Variants in CMAS observed in about 807,000 individuals in gnomAD.
The protein encoded by CMAS is cytidine monophosphate N-acetylneuraminic acid synthetase, also known as N-acylneuraminate cytidylyltransferase.
A neutral mutation model predicts 53.4 loss-of-function variants in CMAS; 21 were observed. The ratio of observed to expected loss-of-function variants is 0.39; its 90% CI spans 0.28 to 0.57. CMAS has a LOEUF of 0.57. Ranked by LOEUF, CMAS falls within the 20% of genes least tolerant of loss-of-function variation. The probability of loss-of-function intolerance (pLI) is 0.56; values close to 1 mark genes in which losing one functional copy is unlikely to be tolerated. For missense variants in CMAS, 384 were observed against 534.9 expected (o/e 0.72, Z 2.78); for synonymous variants, 189 against 195.2 (o/e 0.97, Z 0.27).
chr12:22,050,889 C>A (rs1169967138), intron 1 of CMAS, among the ~76,000 whole-genome samples: 1 of 151,922 alleles, frequency 6.6e-6, no homozygotes, highest in Non-Finnish European at 1.5e-5. Flanking sequence ...TATACTAGAT[C>A]ATTAAAATGT....
In CMAS at chr12:22,055,536, G is replaced by A. The variant is rs757760901; in HGVS notation, c.485G>A (p.Arg162Gln). 9 of 1,612,412 alleles carry A rather than the reference G, an allele frequency of 5.6e-6. No individual in the cohort carries two copies. The highest frequency in any genetic ancestry group is 1.3e-5 in the African/African-American group (1 of 74,966). The change falls in exon 3 of 8, where the codon CGA (arginine) becomes CAA (glutamine). Residue 162 changes from arginine (R) to glutamine (Q), a missense_variant. Physicochemically the swap from Arg to Gln is conservative, Grantham distance 43. This residue lies in a region of CMAS where 139 missense variants were observed against 248.0 expected (regional missense o/e 0.56). Transcript: ENST00000229329. The part of the protein sequence containing the change: ...TDLQKVAEMI[R>Q]EEGYDSVFSV... ...CTTCAAAAAGTTGCAGAAATGATTC[G>A]AGAAGAAGGATATGATTCTGTTTTC... is the stretch of plus-strand genomic sequence containing the variant.
intron 4 of CMAS, among the ~76,000 whole-genome samples, chr12:22,059,763 G>A (rs1950295906): frequency 6.6e-6 from 1 of 151,846 alleles, no homozygotes; most frequent in South Asian, 2.1e-4. Flanking sequence ...TTTTTCTAAG[G>A]AGGACCATGA....
chr12:22,062,724 G>A (rs7138799), intron 7 of CMAS, among the ~76,000 whole-genome samples: 22,333 of 152,126 alleles, frequency 0.15, 2,252 homozygotes, highest in East Asian at 0.48. Context: ...TCTGTAAACT[G>A]GAGATATCGA....
intron 3 of CMAS, among the ~76,000 whole-genome samples, chr12:22,056,577 C>G (rs1950269629): frequency 1.3e-5 from 2 of 152,188 alleles, no homozygotes; most frequent in African/African-American, 4.8e-5. Flanking sequence ...ATACCCTACT[C>G]TTGCTAACAA....
intron 1 of CMAS, among the ~76,000 whole-genome samples, chr12:22,054,802 G>A (rs1037835314): frequency 6.6e-5 from 10 of 151,942 alleles, no homozygotes; most frequent in Non-Finnish European, 1.0e-4. Flanking sequence ...GCAGGGGTTC[G>A]GTGTACAGAT....
chr12:22,046,344 A>C lies in CMAS; in HGVS notation c.41A>C (p.Asn14Thr). 1 of 1,514,014 alleles carries C rather than the reference A, an allele frequency of 6.6e-7. No individual in the cohort carries two copies. Among genetic ancestry groups the C allele is most frequent in the African/African-American group, 1.4e-5 (1 of 70,578 alleles). 93.8% of individuals were successfully genotyped at this position (1,514,014 alleles called of 1,614,324 possible). The change falls in exon 1 of 8, where the codon AAC becomes ACC. Residue 14 changes from asparagine to threonine, a missense_variant. By Grantham distance (65) the Asn-to-Thr change is moderately conservative. Transcript: ENST00000229329. ...VEKGAATSVS[N>T]PRGRPSRGRP... The stretch of plus-strand genomic sequence containing the variant: ...AAGGGGGCCGCCACCTCCGTCTCCA[A>C]CCCGCGGGGGCGACCGTCCCGGGGC...
intron 1 of CMAS, among the ~76,000 whole-genome samples, chr12:22,048,494 G>A (rs541810038): frequency 3.3e-5 from 5 of 152,210 alleles, no homozygotes; most frequent in East Asian, 3.9e-4. Flanking sequence ...ATGATCTCAG[G>A]TTCCCTTAAA....
chr12:22,055,032 C>T lies in CMAS; in HGVS notation c.261-117C>T, dbSNP rs73268262. The T allele has an allele frequency of 4.9e-3, 3,087 of 636,414 alleles. 74 individuals carry two copies. The African/African-American group carries it at 0.052, about 11-fold the overall frequency. 39.4% of individuals were successfully genotyped at this position (636,414 alleles called of 1,614,324 possible). On this transcript the variant is annotated intron_variant, in intron 1 of 7. Transcript: ENST00000229329. ...TCCTTTGGATCTGTAACATTATTAT[C>T]ATTGTGCAAAAAATATTCTCACATT...
intron 1 of CMAS, among the ~76,000 whole-genome samples, 190 bp downstream of exon 1, chr12:22,046,753 C>T (rs1157478157): frequency 1.3e-5 from 2 of 152,188 alleles, no homozygotes; most frequent in Admixed American, 6.5e-5. Flanking sequence ...CAGCTCCTTC[C>T]TTGTTCCGTA....
At chr12:22,054,443 A>G (rs1207378080) in intron 1 of CMAS, among the ~76,000 whole-genome samples, 1 of 152,150 alleles carries the variant, frequency 6.6e-6, no homozygotes, top group African/African-American at 2.4e-5. Context: ...CATGTTCTTC[A>G]TGTTTGTTGT....
At chr12:22,049,473 A>T (rs962560845) in intron 1 of CMAS, among the ~76,000 whole-genome samples, 2 of 152,154 alleles carry the variant, frequency 1.3e-5, no homozygotes, top group Non-Finnish European at 2.9e-5. Context: ...AACTTCTTTT[A>T]AAAAAAGACT....
intron 2 of CMAS, 24 bp downstream of exon 2, chr12:22,055,315 T>C: frequency 6.5e-7 from 1 of 1,546,188 alleles, no homozygotes; most frequent in African/African-American, 1.4e-5. Flanking sequence ...TAATAGTTTA[T>C]TCAAACCTTT....
intron 6 of CMAS, among the ~76,000 whole-genome samples, chr12:22,061,853 AT>A (rs1053085452): frequency 6.6e-6 from 1 of 152,224 alleles, no homozygotes; most frequent in South Asian, 2.1e-4. Context: ...GTTTAAGTGT[AT>A]TTTTTTAAAT....
At chr12:22,052,812 A>C (rs1287952563) in intron 1 of CMAS, among the ~76,000 whole-genome samples, 3 of 152,178 alleles carry the variant, frequency 2.0e-5, no homozygotes, top group African/African-American at 7.2e-5. Flanking sequence ...CTTGACCCCT[A>C]GCCAGTGGCT....
Position 22,046,265 on chromosome 12 carries a change from C to A in CMAS, c.-39C>A. 1 of 1,413,162 alleles carries A rather than the reference C, an allele frequency of 7.1e-7. No homozygotes were observed. 87.5% of individuals were successfully genotyped at this position (1,413,162 alleles called of 1,614,324 possible). A position where few individuals can be genotyped will look rare whatever the true frequency, so the allele number is the denominator to read the frequency against. ...AGCTGAGGTGGTGAGGGACTAGCTC[C>A]CGGATGTGGAGAAGCTGGGGAGAAG... is the stretch of plus-strand genomic sequence containing the variant. On this transcript the variant is annotated 5_prime_UTR_variant, in exon 1 of 8. Transcript: ENST00000229329.
intron 7 of CMAS, among the ~76,000 whole-genome samples, chr12:22,063,035 A>ATGTT (rs1386285929): frequency 6.6e-6 from 1 of 152,222 alleles, no homozygotes; most frequent in African/African-American, 2.4e-5. Context: ...AAATATAACA[A>ATGTT]TGTTTTTCAC....
chr12:22,057,226 TAC>T (rs71053371), intron 3 of CMAS, among the ~76,000 whole-genome samples: 1 of 133,916 alleles, frequency 7.5e-6, no homozygotes, highest in Non-Finnish European at 1.6e-5. Flanking sequence ...AACCAGCTAT[TAC>T]ACACACACAC....
rs1591793286 is a variant in CMAS at position 22,055,016 on chromosome 12, T to G, written c.261-133T>G. 5 of 542,616 alleles carry G rather than the reference T, an allele frequency of 9.2e-6. No individual in the cohort carries two copies. The East Asian group carries it at 1.6e-4, about 17-fold the overall frequency. 33.6% of individuals were successfully genotyped at this position (542,616 alleles called of 1,614,324 possible). A position where few individuals can be genotyped will look rare whatever the true frequency, so the allele number is the denominator to read the frequency against. On this transcript the variant is annotated intron_variant, in intron 1 of 7. Transcript: ENST00000229329. Reference sequence around the variant, plus strand: ...TTCTTACATTTTATACTCCTTTGGATCTGTAACATTATTATCATTGTGCAA... The same window carrying G: ...TTCTTACATTTTATACTCCTTTGGAGCTGTAACATTATTATCATTGTGCAA...
At chr12:22,047,093 A>T (rs932193836) in intron 1 of CMAS, among the ~76,000 whole-genome samples, 12 of 151,938 alleles carry the variant, frequency 7.9e-5, no homozygotes, top group African/African-American at 2.9e-4. Context: ...TTTGAAAAAT[A>T]CTCCAGCTAT....
Sources: allele counts gnomAD v4.1 joint callset (sites outside exome capture counted in the v4.1 genomes callset), GRCh38; gene constraint gnomAD v4.1.1; regional missense constraint gnomAD v4.1.1; transcripts MANE v1.5; gene names NCBI Gene and HGNC (gene_info 2026-07-23, HGNC 2026-07-21).